The following ATRNL1 variants were observed in gnomAD, a reference collection of about 807,000 sequenced individuals.
ATRNL1 encodes the protein attractin like 1.
In ATRNL1, 95 loss-of-function variants were observed where a neutral mutation model predicts 182.7. The observed-to-expected ratio is 0.52, with a 90% CI of 0.44 to 0.62. The LOEUF is 0.62. Among genes scored for constraint, ATRNL1 ranks in the 20% least tolerant of loss-of-function variants. ATRNL1 has a pLI of 0.00. For missense variants in ATRNL1, 1,471 were observed against 1,679.5 expected, an observed-to-expected ratio of 0.88 and a Z score of 2.17; for synonymous variants, 576 against 568.3, an observed-to-expected ratio of 1.01 and a Z score of -0.19.
At chr10:115,182,891 C>T (rs1442046196) in intron 8 of ATRNL1, among the ~76,000 whole-genome samples, 1 of 151,184 alleles carries the variant, frequency 6.6e-6, no homozygotes, top group Admixed American at 6.6e-5. Flanking sequence ...ATTGTCAATA[C>T]ACGATAGGAT....
At chr10:115,931,716 C>T (rs565738176) in intron 28 of ATRNL1, among the ~76,000 whole-genome samples, 1 of 152,304 alleles carries the variant, frequency 6.6e-6, no homozygotes, top group East Asian at 1.9e-4. Flanking sequence ...CCATCTCTCC[C>T]CGCAAATGAC....
chr10:115,317,697 G>A (rs934962250), intron 18 of ATRNL1, among the ~76,000 whole-genome samples: 6 of 152,168 alleles, frequency 3.9e-5, no homozygotes, highest in South Asian at 2.1e-4. Context: ...CTCTCTCCTT[G>A]TGTATTGTTG....
chr10:115,230,917 G>GAGAA (rs1849916995), intron 9 of ATRNL1, among the ~76,000 whole-genome samples: 3 of 138,320 alleles, frequency 2.2e-5, no homozygotes, highest in Admixed American at 7.3e-5. Context: ...GAGAGAGAGA[G>GAGAA]AGAGAAAGAG....
chr10:115,452,575 A>G (rs565640128), intron 21 of ATRNL1, among the ~76,000 whole-genome samples: 2 of 152,188 alleles, frequency 1.3e-5, no homozygotes, highest in Non-Finnish European at 2.9e-5. Flanking sequence ...AAAACTGTAC[A>G]CAATAAATAT....
chr10:115,151,980 C>T (rs1156648046), intron 5 of ATRNL1, among the ~76,000 whole-genome samples: 2 of 152,134 alleles, frequency 1.3e-5, no homozygotes, highest in Admixed American at 1.3e-4. Context: ...AATCCTTTCC[C>T]CATTAATTGT....
chr10:115,645,979 T>C (rs978761719), intron 26 of ATRNL1, among the ~76,000 whole-genome samples: 1 of 151,782 alleles, frequency 6.6e-6, no homozygotes, highest in African/African-American at 2.4e-5. Flanking sequence ...CTTTCACCTA[T>C]ACATTGCTCT....
chr10:115,627,774 ATTTG>A (rs1478378073), intron 26 of ATRNL1, among the ~76,000 whole-genome samples: 1 of 152,142 alleles, frequency 6.6e-6, no homozygotes, highest in Non-Finnish European at 1.5e-5. Flanking sequence ...ACACGAGTGT[ATTTG>A]TTTGATAACC....
At chr10:115,148,903 C>A (rs1220764975) in intron 5 of ATRNL1, among the ~76,000 whole-genome samples, 1 of 152,056 alleles carries the variant, frequency 6.6e-6, no homozygotes, top group Non-Finnish European at 1.5e-5. Context: ...GTGTGCGCCA[C>A]CACACCCAGG....
At chr10:115,860,243 T>C (rs1483434888) in intron 28 of ATRNL1, among the ~76,000 whole-genome samples, 4 of 152,152 alleles carry the variant, frequency 2.6e-5, no homozygotes, top group Admixed American at 2.0e-4. Flanking sequence ...ATAATTTGAA[T>C]TGAACCTTGA....
intron 27 of ATRNL1, among the ~76,000 whole-genome samples, chr10:115,761,658 G>A (rs1039359611): frequency 7.2e-5 from 11 of 152,146 alleles, no homozygotes; most frequent in Non-Finnish European, 1.6e-4. Flanking sequence ...TTGGTGTTGG[G>A]TTTTGTTTTG....
chr10:115,937,508 T>C (rs1953596836), intron 28 of ATRNL1, among the ~76,000 whole-genome samples: 1 of 152,238 alleles, frequency 6.6e-6, no homozygotes, highest in Non-Finnish European at 1.5e-5. Context: ...TTCCAACAGA[T>C]AAATTAAAAT....
chr10:115,333,164 T>C (rs2134070102), intron 18 of ATRNL1, among the ~76,000 whole-genome samples: 1 of 152,294 alleles, frequency 6.6e-6, no homozygotes, highest in East Asian at 1.9e-4. Context: ...GTTGCTATCA[T>C]AGTTGTAATA....
chr10:115,594,462 G>A (rs1555013282), intron 26 of ATRNL1, among the ~76,000 whole-genome samples: 1 of 152,134 alleles, frequency 6.6e-6, no homozygotes, highest in Non-Finnish European at 1.5e-5. Flanking sequence ...ATATCCTAAT[G>A]AGGAACTGTA....
intron 26 of ATRNL1, among the ~76,000 whole-genome samples, chr10:115,586,636 A>T (rs1162323297): frequency 8.6e-6 from 1 of 115,974 alleles, no homozygotes; most frequent in Admixed American, 1.0e-4. Context: ...TGTATTGGTT[A>T]TTCTAGTTAT....
chr10:115,099,417 A>G (rs1554864050), intron 1 of ATRNL1, among the ~76,000 whole-genome samples: 1 of 152,184 alleles, frequency 6.6e-6, no homozygotes, highest in African/African-American at 2.4e-5. Flanking sequence ...TTATCTTTGT[A>G]TGGTCATATG....
At chr10:115,136,690 C>A (rs1412974745) in intron 5 of ATRNL1, among the ~76,000 whole-genome samples, 1 of 152,166 alleles carries the variant, frequency 6.6e-6, no homozygotes, top group African/African-American at 2.4e-5. Flanking sequence ...TGTAATCATA[C>A]AGTATGTAGC....
In ATRNL1 at chr10:115,495,385, A is replaced by G. The variant is rs1849493696; in HGVS notation, c.3655-23878A>G. Reference sequence around the variant, plus strand: ...CTTTGGGTTTTGTATGCCCTTGTATATCTAGTTCCTCTAGGTGTGATGTTA... The same window carrying G: ...CTTTGGGTTTTGTATGCCCTTGTATGTCTAGTTCCTCTAGGTGTGATGTTA... On this transcript the variant is annotated intron_variant, in intron 24 of 28. Coordinates refer to ENST00000355044, the MANE Select transcript of ATRNL1 (RefSeq NM_207303.4). Among the ~76,000 whole-genome samples the G allele has an allele frequency of 2.0e-5, 3 of 152,020 alleles. No homozygotes were observed. In the South Asian group the frequency reaches 6.2e-4, roughly 32 times the overall value.
rs1223695295 is a variant in ATRNL1, at chr10:115,223,929, A to ATTTTTTTTTTTTTTTTTTTTT, written c.1532+8069_1532+8070insTTTTTTTTTTTTTTTTTTTTT. On this transcript the variant is annotated intron_variant, in intron 9 of 28. Coordinates refer to ENST00000355044, the MANE Select transcript of ATRNL1 (RefSeq NM_207303.4). The stretch of plus-strand genomic sequence containing the variant: ...TGTGTGTGTGTATATATATATATAT[A>ATTTTTTTTTTTTTTTTTTTTT]TTTTTTTTTTTTTTTTTTTTCTTTG... Among the ~76,000 whole-genome samples, 3 of 44,732 alleles carry ATTTTTTTTTTTTTTTTTTTTT rather than the reference A, an allele frequency of 6.7e-5. 1 individual carries two copies. Among genetic ancestry groups the ATTTTTTTTTTTTTTTTTTTTT allele is most frequent in the Admixed American group, 2.3e-4 (1 of 4,312 alleles). The allele number at this position is 44,732 out of a possible 152,430, so 29.3% of individuals were successfully genotyped here. A position where few individuals can be genotyped will look rare whatever the true frequency, so the allele number is the denominator to read the frequency against.
intron 19 of ATRNL1, among the ~76,000 whole-genome samples, chr10:115,368,251 G>A (rs940049911): frequency 1.3e-5 from 2 of 152,216 alleles, no homozygotes; most frequent in African/African-American, 2.4e-5. Flanking sequence ...AAGCCGGTCC[G>A]AAAAGCGCAA....
Sources: allele counts gnomAD v4.1 joint callset (sites outside exome capture counted in the v4.1 genomes callset), GRCh38; gene constraint gnomAD v4.1.1; transcripts MANE v1.5; gene names NCBI Gene and HGNC (gene_info 2026-07-23, HGNC 2026-07-21).